MCTP2: variants seen among roughly 807,000 people sequenced by gnomAD.
MCTP2 encodes multiple C2 and transmembrane domain containing 2.
MCTP2 carries 132 observed loss-of-function variants against 111.6 expected under a neutral mutation model. That is an observed-to-expected ratio of 1.18 (90% CI 1.03 to 1.37). MCTP2 has a LOEUF of 1.37. MCTP2 is among the 40% of genes most tolerant of loss of function. The pLI, the probability that MCTP2 is intolerant of heterozygous loss-of-function variation, is 0.00. For missense variants in MCTP2, 1,183 were observed against 1,067.9 expected (o/e 1.11, Z -1.50); for synonymous variants, 395 against 387.7 (o/e 1.02, Z -0.22).
At chr15:94,235,546 T>C (rs2070481923) in intron 1 of MCTP2, among the ~76,000 whole-genome samples, 1 of 152,184 alleles carries the variant, frequency 6.6e-6, no homozygotes, top group African/African-American at 2.4e-5. Flanking sequence ...AAATTAATAA[T>C]AATAGTAATA....
At position 94,315,644 on chromosome 15, in the gene MCTP2, C is replaced by A. The variant is rs372349402; in HGVS notation, c.637+7C>A. 57 of 1,606,360 alleles carry A rather than the reference C, an allele frequency of 3.5e-5. No homozygotes were observed. The African/African-American group carries it at 5.5e-4, about 15-fold the overall frequency. On this transcript the variant is annotated splice_region_variant and intron_variant, in intron 4 of 22. Coordinates refer to ENST00000357742, the MANE Select transcript of MCTP2 (RefSeq NM_001385001.1). ...GTTGTCCGAGATCGCTGTGGTAAGA[C>A]CTGGGTCTGTTATGGTGGGTGTAGC...
chr15:94,443,097 T>C, intron 19 of MCTP2, 137 bp downstream of exon 19: 1 of 547,368 alleles, frequency 1.8e-6, no homozygotes, highest in Non-Finnish European at 3.0e-6. Flanking sequence ...AGTAATATTA[T>C]TGTAACTTTT....
intron 19 of MCTP2, 87 bp from the exon 20 acceptor site, chr15:94,458,050 T>C (rs1304705315): frequency 1.3e-6 from 1 of 746,764 alleles, no homozygotes; most frequent in Non-Finnish European, 2.3e-6. Flanking sequence ...GTAAAAACCT[T>C]GTTATTATAA....
intron 2 of MCTP2, among the ~76,000 whole-genome samples, chr15:94,307,688 T>C (rs2075951044): frequency 6.6e-6 from 1 of 152,196 alleles, no homozygotes; most frequent in African/African-American, 2.4e-5. Flanking sequence ...GCTTGCTGTG[T>C]CTGCTGTAGA....
chr15:94,431,611 T>C (rs2083187042), intron 17 of MCTP2, among the ~76,000 whole-genome samples: 1 of 152,336 alleles, frequency 6.6e-6, no homozygotes, highest in Non-Finnish European at 1.5e-5. Context: ...TACAACTTCT[T>C]GAGAAGGGGC....
At chr15:94,464,264 T>TATATATATA (rs2085444685) in intron 20 of MCTP2, among the ~76,000 whole-genome samples, 1 of 116,996 alleles carries the variant, frequency 8.5e-6, no homozygotes, top group African/African-American at 3.2e-5. Context: ...ATATTATATA[T>TATATATATA]ATATATATAT....
intron 8 of MCTP2, among the ~76,000 whole-genome samples, chr15:94,352,816 C>T (rs2078380178): frequency 6.6e-6 from 1 of 152,174 alleles, no homozygotes; most frequent in African/African-American, 2.4e-5. Flanking sequence ...CCCAGCTCTG[C>T]AAGAAAGCAC....
intron 20 of MCTP2, among the ~76,000 whole-genome samples, chr15:94,460,807 T>C (rs1221804193): frequency 6.6e-6 from 1 of 152,242 alleles, no homozygotes; most frequent in African/African-American, 2.4e-5. Flanking sequence ...GGAAGGCTGC[T>C]AAGGCTCAAC....
chr15:94,254,062 C>T (rs1053827050), intron 1 of MCTP2, among the ~76,000 whole-genome samples: 3 of 152,056 alleles, frequency 2.0e-5, no homozygotes, highest in Admixed American at 6.5e-5. Flanking sequence ...GTGAATACCT[C>T]GATATTTGAT....
chr15:94,355,755 TC>T (rs749141891), intron 8 of MCTP2, among the ~76,000 whole-genome samples: 6 of 152,220 alleles, frequency 3.9e-5, no homozygotes, highest in Non-Finnish European at 8.8e-5. Flanking sequence ...ATATTTTGCT[TC>T]CTTGCAAGGC....
intron 1 of MCTP2, among the ~76,000 whole-genome samples, chr15:94,276,946 CCA>C (rs2074248786): frequency 2.1e-5 from 1 of 46,868 alleles, no homozygotes; most frequent in Non-Finnish European, 4.2e-5. Context: ...AGTTGGAAGC[CCA>C]AAAAAAAAAA....
chr15:94,371,998 A>T (rs948582635), intron 12 of MCTP2, among the ~76,000 whole-genome samples: 6 of 152,216 alleles, frequency 3.9e-5, no homozygotes, highest in African/African-American at 1.4e-4. Flanking sequence ...AAATAGAGTG[A>T]ATAGGAGAGG....
At position 94,470,487 on chromosome 15, in the gene MCTP2, G is replaced by C. The variant is rs773710091; in HGVS notation, c.2470+45G>C. ...TTTGCTAGCAATCAATTCCAGGTAA[G>C]AACCAATTACTCATTTTTAAAGTGC... On this transcript the variant is annotated intron_variant, in intron 21 of 22. Coordinates refer to ENST00000357742, the MANE Select transcript of MCTP2 (RefSeq NM_001385001.1). The C allele has an allele frequency of 2.4e-6, 3 of 1,243,182 alleles. No homozygotes were observed. In the Admixed American group the frequency reaches 5.0e-5, roughly 21 times the overall value. The allele number at this position is 1,243,182 out of a possible 1,614,324, so 77.0% of individuals were successfully genotyped here. A position where few individuals can be genotyped will look rare whatever the true frequency, so the allele number is the denominator to read the frequency against.
At position 94,406,472 on chromosome 15, in the gene MCTP2, A is replaced by T. The variant is rs538359490; in HGVS notation, c.2085+4453A>T. ...ACCATACTGATTGTTTCAGATCTGT[A>T]TTTAGATATTATGTGTGGGGATTAA... On this transcript the variant is annotated intron_variant, in intron 17 of 22. Coordinates refer to ENST00000357742, the MANE Select transcript of MCTP2 (RefSeq NM_001385001.1). Among the ~76,000 whole-genome samples, 3 of 152,230 alleles carry T rather than the reference A, an allele frequency of 2.0e-5. No individual in the cohort carries two copies. The South Asian group carries it at 6.2e-4, about 31-fold the overall frequency.
chr15:94,463,444 A>G (rs1490632320), intron 20 of MCTP2, among the ~76,000 whole-genome samples: 1 of 151,858 alleles, frequency 6.6e-6, no homozygotes, highest in Non-Finnish European at 1.5e-5. Context: ...TTCTGCTTTG[A>G]TTTGTTTCTA....
chr15:94,276,120 A>G (rs537584159), intron 1 of MCTP2, among the ~76,000 whole-genome samples: 5 of 152,296 alleles, frequency 3.3e-5, no homozygotes, highest in South Asian at 4.1e-4. Context: ...CTGGGATTAC[A>G]GGTGTGAGCC....
At chr15:94,284,020 T>C (rs1567328221) in intron 1 of MCTP2, among the ~76,000 whole-genome samples, 1 of 152,200 alleles carries the variant, frequency 6.6e-6, no homozygotes, top group East Asian at 1.9e-4. Flanking sequence ...TGTTGCACAA[T>C]GGGAACTCAT....
At chr15:94,255,649 G>A (rs2072716404) in intron 1 of MCTP2, among the ~76,000 whole-genome samples, 1 of 152,096 alleles carries the variant, frequency 6.6e-6, no homozygotes, top group Admixed American at 6.5e-5. Context: ...GAGTGGAGGA[G>A]GGCTTTGGGC....
chr15:94,450,266 A>G (rs907946951), intron 19 of MCTP2, among the ~76,000 whole-genome samples: 2 of 152,258 alleles, frequency 1.3e-5, no homozygotes, highest in African/African-American at 4.8e-5. Context: ...TTGAGAAAGA[A>G]GTACACTCCA....
Sources: gnomAD v4.1 joint callset for allele counts (sites outside exome capture counted in the v4.1 genomes callset) on GRCh38, gnomAD v4.1.1 for gene constraint, MANE v1.5 for transcripts, NCBI Gene and HGNC (gene_info 2026-07-23, HGNC 2026-07-21) for gene names.